The following DNAJC5 variants were observed in gnomAD, a reference collection of about 807,000 sequenced individuals.
The protein encoded by DNAJC5 is dnaJ homolog subfamily C member 5.
DNAJC5 carries 1 observed loss-of-function variant against 23.2 expected under a neutral mutation model. That is an observed-to-expected ratio of 0.04 (90% CI 0.02 to 0.20). DNAJC5 has a LOEUF of 0.20. DNAJC5 is among the 10% of genes least tolerant of loss of function. DNAJC5 has a pLI of 1.00. For missense variants in DNAJC5, 180 were observed against 267.0 expected, an observed-to-expected ratio of 0.67 and a Z score of 2.27; for synonymous variants, 136 against 120.0, an observed-to-expected ratio of 1.13 and a Z score of -0.87.
At chr20:63,901,860 C>T (rs887310316) in intron 1 of DNAJC5, among the ~76,000 whole-genome samples, 2 of 152,170 alleles carry the variant, frequency 1.3e-5, no homozygotes, top group South Asian at 2.1e-4. Context: ...TAGCTTCTGT[C>T]ATCTCTTGCC....
At chr20:63,916,531 G>T (rs762605490) in intron 1 of DNAJC5, among the ~76,000 whole-genome samples, 1 of 152,172 alleles carries the variant, frequency 6.6e-6, no homozygotes, top group East Asian at 1.9e-4. Context: ...AAGGCAAAGG[G>T]CAAAAGTGGA....
chr20:63,917,556 T>G (rs988008723), intron 1 of DNAJC5, among the ~76,000 whole-genome samples: 1 of 146,478 alleles, frequency 6.8e-6, no homozygotes, highest in Non-Finnish European at 1.5e-5. Context: ...TCCAGCCTTA[T>G]TATTATTATT....
At chr20:63,906,556 G>A (rs1271143322) in intron 1 of DNAJC5, among the ~76,000 whole-genome samples, 8 of 152,094 alleles carry the variant, frequency 5.3e-5, no homozygotes, top group African/African-American at 1.9e-4. Flanking sequence ...AGGCCGAGAC[G>A]GGCAGATCAT....
chr20:63,912,121 A>G (rs900456567), intron 1 of DNAJC5, among the ~76,000 whole-genome samples: 3 of 152,124 alleles, frequency 2.0e-5, no homozygotes, highest in African/African-American at 7.2e-5. Flanking sequence ...TGGCCAATAT[A>G]GCAAAACCTC....
At position 63,928,315 on chromosome 20, in the gene DNAJC5, C is replaced by T. The variant is rs1407087295; in HGVS notation, c.-11-20C>T. 3 of 1,591,988 alleles carry T rather than the reference C, an allele frequency of 1.9e-6. No homozygotes were observed. The East Asian group carries it at 6.7e-5, about 36-fold the overall frequency. On this transcript the variant is annotated intron_variant, in intron 1 of 4. Transcript: ENST00000360864. This position sits in a 1 kb window ranked among gnomAD's most constrained non-coding sequence, Gnocchi z 4.6. ...TTTCATCTATACTTTGTGATACTTTCTTTTTATTTTTTCTTCTAGAATAGC... is the reference window on the plus strand; with the variant it reads ...TTTCATCTATACTTTGTGATACTTTTTTTTTATTTTTTCTTCTAGAATAGC...
chr20:63,909,505 AAAC>A (rs1568977881), intron 1 of DNAJC5, among the ~76,000 whole-genome samples: 1 of 152,060 alleles, frequency 6.6e-6, no homozygotes, highest in Non-Finnish European at 1.5e-5. Flanking sequence ...TCCGTCTCAA[AAAC>A]AACAACAAGA....
intron 3 of DNAJC5, 145 bp from the exon 4 acceptor site, chr20:63,930,706 G>T: frequency 7.5e-7 from 1 of 1,339,814 alleles, no homozygotes; most frequent in Non-Finnish European, 1.1e-6. Context: ...CCCTTCTTCA[G>T]TTCTTTCCTT....
In DNAJC5 at chr20:63,899,789, G is replaced by A. The variant is rs544229301; in HGVS notation, c.-12+4466G>A. Among the ~76,000 whole-genome samples the A allele has an allele frequency of 5.9e-5, 9 of 151,866 alleles. No individual in the cohort carries two copies. The East Asian group carries it at 1.6e-3, about 26-fold the overall frequency. ...GTAGAGACAGGGTTTCGCGGTGTTA[G>A]CCAGGATGGTCTCGATCTCCTGACC... On this transcript the variant is annotated intron_variant, in intron 1 of 4. Transcript: ENST00000360864.
chr20:63,930,355 G>GT (rs749134596), intron 3 of DNAJC5, among the ~76,000 whole-genome samples: 209 of 147,892 alleles, frequency 1.4e-3, no homozygotes, highest in South Asian at 4.7e-3. Context: ...AGGCTGCTTT[G>GT]TTTTTTTTTT....
At position 63,929,094 on chromosome 20, in the gene DNAJC5, C is replaced by T. The variant is rs2053639613; in HGVS notation, c.108-218C>T. 6.6e-6 allele frequency among the ~76,000 whole-genome samples: 1 copy of T among 152,218 alleles called. No individual in the cohort carries two copies. Among genetic ancestry groups the T allele is most frequent in the Admixed American group, 6.5e-5 (1 of 15,280 alleles). ...CACTCACAGCCCTTGGGGCTCCCTC[C>T]TCTGAGGCTGGGTCAGGGTGAGGAG... On this transcript the variant is annotated intron_variant, in intron 2 of 4. Coordinates refer to ENST00000360864, the MANE Select transcript of DNAJC5 (RefSeq NM_025219.3). This position sits in a 1 kb window ranked among gnomAD's most constrained non-coding sequence, Gnocchi z 8.6.
chr20:63,925,824 GGTT>G (rs1292125190), intron 1 of DNAJC5, among the ~76,000 whole-genome samples: 2 of 136,826 alleles, frequency 1.5e-5, no homozygotes, highest in Non-Finnish European at 1.5e-5. Context: ...AATTTTATCT[GGTT>G]TTTTTTTTTT....
chr20:63,895,375 A>AGGCGGGCG (rs1419662143), intron 1 of DNAJC5, 52 bp downstream of exon 1: 1 of 130,206 alleles, frequency 7.7e-6, no homozygotes, highest in Non-Finnish European at 1.7e-5. Flanking sequence ...AGGCCCGGGC[A>AGGCGGGCG]GGCGGGCGGG....
Position 63,934,691 on chromosome 20 carries a change from T to C in DNAJC5, c.*3123T>C, listed in dbSNP as rs1338278366. 1 of 152,272 alleles carries C rather than the reference T, an allele frequency of 6.6e-6. No individual in the cohort carries two copies. The highest frequency in any genetic ancestry group is 1.9e-4 in the East Asian group (1 of 5,202). 9.4% of individuals were successfully genotyped at this position (152,272 alleles called of 1,614,324 possible). ...GTTTGTGAACTTTCCTAGTTCTCTA[T>C]GTTGTTAGTGCAGCCAGCACCCAGT... On this transcript the variant is annotated 3_prime_UTR_variant, in exon 5 of 5. Coordinates refer to ENST00000360864, the MANE Select transcript of DNAJC5 (RefSeq NM_025219.3).
intron 1 of DNAJC5, among the ~76,000 whole-genome samples, chr20:63,925,750 A>G (rs111942059): frequency 0.12 from 15,808 of 133,176 alleles, 1,056 homozygotes; most frequent in African/African-American, 0.23. Context: ...AAGCGAGACT[A>G]TCTCAAAACC....
chr20:63,901,615 C>G (rs6062574), intron 1 of DNAJC5, among the ~76,000 whole-genome samples: 1 of 152,246 alleles, frequency 6.6e-6, no homozygotes, highest in Non-Finnish European at 1.5e-5. Context: ...CTGCAGGTGC[C>G]TGACGGGAGG....
Position 63,931,445 on chromosome 20 carries a change from C to T in DNAJC5, c.494-20C>T, listed in dbSNP as rs377764458. On this transcript the variant is annotated intron_variant, in intron 4 of 4. Coordinates refer to ENST00000360864, the MANE Select transcript of DNAJC5 (RefSeq NM_025219.3). The surrounding 1 kb of genome is among the most constrained non-coding windows in gnomAD (Gnocchi z 9.6). ...CCAGGCTGTGGCCCTCGTGCAGTGCCCTGTGTGCTTGCTTTTCAGAGGCCA... is the reference window on the plus strand; with the variant it reads ...CCAGGCTGTGGCCCTCGTGCAGTGCTCTGTGTGCTTGCTTTTCAGAGGCCA... 1.1e-5 allele frequency: 17 copies of T among 1,540,814 alleles called. No homozygotes were observed. The African/African-American group carries it at 2.2e-4, about 20-fold the overall frequency.
chr20:63,897,047 A>C (rs547300458), intron 1 of DNAJC5, among the ~76,000 whole-genome samples: 15 of 152,250 alleles, frequency 9.9e-5, no homozygotes, highest in African/African-American at 3.6e-4. Flanking sequence ...GACCCTTGTA[A>C]ATCTTTTCGC....
intron 1 of DNAJC5, among the ~76,000 whole-genome samples, chr20:63,911,781 C>T (rs2053484201): frequency 6.6e-6 from 1 of 151,880 alleles, no homozygotes; most frequent in Admixed American, 6.6e-5. Context: ...TCGAGTGATC[C>T]TCCCATCCCA....
chr20:63,930,642 C>T (rs1037155632), intron 3 of DNAJC5, among the ~76,000 whole-genome samples: 2 of 152,218 alleles, frequency 1.3e-5, no homozygotes, highest in South Asian at 2.1e-4. Context: ...CCACCACGCC[C>T]GTCTTGGAGG....
Sources: allele counts gnomAD v4.1 joint callset (sites outside exome capture counted in the v4.1 genomes callset), GRCh38; gene constraint gnomAD v4.1.1; non-coding constraint Gnocchi (gnomAD v3.1); transcripts MANE v1.5; gene names NCBI Gene and HGNC (gene_info 2026-07-23, HGNC 2026-07-21).